SH2D4B: variants seen among roughly 807,000 people sequenced by gnomAD.
The protein encoded by SH2D4B is SH2 domain-containing protein 4B.
A neutral mutation model predicts 61.5 loss-of-function variants in SH2D4B; 45 were observed. The ratio of observed to expected loss-of-function variants is 0.73; its 90% CI spans 0.58 to 0.94. SH2D4B has a LOEUF of 0.94. SH2D4B is among the 40% of genes least tolerant of loss of function. The pLI is 0.00. For synonymous variants in SH2D4B, 224 were observed against 220.4 expected, an observed-to-expected ratio of 1.02 and a Z score of -0.14; for missense variants, 572 against 574.2, an observed-to-expected ratio of 1.00 and a Z score of 0.04.
intron 3 of SH2D4B, among the ~76,000 whole-genome samples, chr10:80,573,605 T>C (rs1388557852): frequency 1.3e-5 from 2 of 152,226 alleles, no homozygotes; most frequent in African/African-American, 4.8e-5. Context: ...CCTTCTCATT[T>C]GACTTGCTGC....
intron 1 of SH2D4B, among the ~76,000 whole-genome samples, chr10:80,547,812 G>C (rs1841702638): frequency 6.6e-6 from 1 of 152,214 alleles, no homozygotes; most frequent in African/African-American, 2.4e-5. Context: ...TTTCCAGGAA[G>C]ACAAGAAGTA....
At chr10:80,572,142 C>T (rs1842055882) in intron 3 of SH2D4B, among the ~76,000 whole-genome samples, 2 of 152,132 alleles carry the variant, frequency 1.3e-5, no homozygotes, top group African/African-American at 4.8e-5. Context: ...GCCAAGTTCA[C>T]ATATAGTAGT....
chr10:80,627,761 T>A (rs1486779687), intron 6 of SH2D4B, among the ~76,000 whole-genome samples: 6 of 150,926 alleles, frequency 4.0e-5, no homozygotes, highest in Admixed American at 2.7e-4. Flanking sequence ...TTCTAGATGG[T>A]GCTTCATACA....
chr10:80,567,241 G>A (rs1322490217), intron 1 of SH2D4B, among the ~76,000 whole-genome samples: 5 of 152,158 alleles, frequency 3.3e-5, no homozygotes, highest in Non-Finnish European at 7.3e-5. Flanking sequence ...CTGACATTCC[G>A]TGGACTAGAA....
chr10:80,540,679 C>T (rs892702630), intron 1 of SH2D4B: 4 of 702,156 alleles, frequency 5.7e-6, no homozygotes, highest in African/African-American at 5.4e-5. Flanking sequence ...CACTTGTTCA[C>T]TCATTCACCA....
chr10:80,609,531 T>C lies in SH2D4B; in HGVS notation c.968T>C (p.Phe323Ser). 6.2e-7 allele frequency: 1 copy of C among 1,614,204 alleles called. No homozygotes were observed. The highest frequency in any genetic ancestry group is 1.1e-5 in the South Asian group (1 of 91,084). The change falls in exon 6 of 8, where the codon TTC becomes TCC. Residue 323 changes from phenylalanine to serine, a missense_variant. Phe to Ser is a radical substitution (Grantham distance 155). Transcript: ENST00000646907. ...RRAGFERNTK[F>S]IAPWFHGIIS... The stretch of plus-strand genomic sequence containing the variant: ...GCTGGCTTCGAGAGGAACACCAAGT[T>C]CATCGCCCCCTGGTTCCATGGTAGC...
intron 4 of SH2D4B, among the ~76,000 whole-genome samples, chr10:80,598,094 G>T (rs1229219969): frequency 6.6e-6 from 1 of 152,208 alleles, no homozygotes; most frequent in African/African-American, 2.4e-5. Context: ...GCACTGGACT[G>T]GGAGTCCTGT....
intron 1 of SH2D4B, among the ~76,000 whole-genome samples, chr10:80,545,833 C>T (rs903831399): frequency 6.6e-6 from 1 of 152,046 alleles, no homozygotes; most frequent in African/African-American, 2.4e-5. Flanking sequence ...CCTCTCCACC[C>T]CACTACACAT....
intron 6 of SH2D4B, among the ~76,000 whole-genome samples, chr10:80,631,596 A>G (rs1842835211): frequency 6.6e-6 from 1 of 152,256 alleles, no homozygotes; most frequent in Admixed American, 6.5e-5. Context: ...GATGTGGTGT[A>G]TGTGCACAAT....
intron 5 of SH2D4B, among the ~76,000 whole-genome samples, chr10:80,607,980 TCCGCCTCCTGGGTTCAAGCGATTCTC>T (rs1326317336): frequency 2.6e-5 from 4 of 152,202 alleles, no homozygotes; most frequent in African/African-American, 9.7e-5. Context: ...CACTGCAACC[TCCGCCTCCTGGGTTCAAGCGATTCTC>T]CCGCCTCAGC....
chr10:80,594,848 A>G (rs1046810637), intron 4 of SH2D4B, among the ~76,000 whole-genome samples: 3 of 152,126 alleles, frequency 2.0e-5, no homozygotes, highest in Non-Finnish European at 4.4e-5. Flanking sequence ...CTGACATATA[A>G]TTAATTTGGT....
At chr10:80,546,253 G>T (rs1181698879) in intron 1 of SH2D4B, among the ~76,000 whole-genome samples, 1 of 151,680 alleles carries the variant, frequency 6.6e-6, no homozygotes, top group African/African-American at 2.4e-5. Flanking sequence ...TCAGCATGTT[G>T]CCTAGACTGC....
intron 6 of SH2D4B, among the ~76,000 whole-genome samples, chr10:80,625,267 A>G (rs1842757702): frequency 6.6e-6 from 1 of 152,170 alleles, no homozygotes; most frequent in African/African-American, 2.4e-5. Flanking sequence ...TAGACGATTT[A>G]ATATGTACAC....
At chr10:80,560,368 T>G (rs1589335161) in intron 1 of SH2D4B, among the ~76,000 whole-genome samples, 1 of 151,710 alleles carries the variant, frequency 6.6e-6, no homozygotes, top group East Asian at 1.9e-4. Context: ...TTATATATTC[T>G]TAGATTTTTT....
At chr10:80,545,455 TTTC>T (rs956681049) in intron 1 of SH2D4B, among the ~76,000 whole-genome samples, 28 of 146,606 alleles carry the variant, frequency 1.9e-4, no homozygotes, top group African/African-American at 6.9e-4. Context: ...TCCTCTCCCT[TTTC>T]TTCTTCTCCT....
At chr10:80,590,925 C>G (rs961720878) in intron 4 of SH2D4B, among the ~76,000 whole-genome samples, 1 of 151,624 alleles carries the variant, frequency 6.6e-6, no homozygotes, top group African/African-American at 2.4e-5. Context: ...CTAGATTTGC[C>G]TATGATGGAC....
rs927851943 is a variant in SH2D4B, at chr10:80,539,643, G to C, written c.184+1128G>C. On this transcript the variant is annotated intron_variant, in intron 1 of 7. Transcript: ENST00000646907. This position sits in a 1 kb window ranked among gnomAD's most constrained non-coding sequence, Gnocchi z 4.9. ...CATAGGGCAGTACTTGCTCCTCTGT[G>C]GCTGCCTGGCATGTAGGACCCACGC... 6.6e-6 allele frequency among the ~76,000 whole-genome samples: 1 copy of C among 152,134 alleles called. No homozygotes were observed. Among genetic ancestry groups the C allele is most frequent in the African/African-American group, 2.4e-5 (1 of 41,418 alleles).
chr10:80,545,831 C>T (rs1043734081), intron 1 of SH2D4B, among the ~76,000 whole-genome samples: 5 of 152,074 alleles, frequency 3.3e-5, no homozygotes, highest in African/African-American at 1.2e-4. Context: ...GACCTCTCCA[C>T]CCCACTACAC....
At chr10:80,620,196 T>C (rs1842702980) in intron 6 of SH2D4B, among the ~76,000 whole-genome samples, 1 of 152,194 alleles carries the variant, frequency 6.6e-6, no homozygotes, top group Non-Finnish European at 1.5e-5. Context: ...GAGAGGGACC[T>C]GGTGGAAGGT....
Sources: gnomAD v4.1 joint callset for allele counts (sites outside exome capture counted in the v4.1 genomes callset) on GRCh38, gnomAD v4.1.1 for gene constraint, Gnocchi (gnomAD v3.1) non-coding constraint, MANE v1.5 for transcripts, NCBI Gene and HGNC (gene_info 2026-07-23, HGNC 2026-07-21) for gene names.